NALF1: variants seen among roughly 807,000 people sequenced by gnomAD.
NALF1 encodes the protein family with sequence similarity 155 member A.
Under a neutral mutation model 48.4 loss-of-function variants are expected in NALF1, and 3 were observed. That is an observed-to-expected ratio of 0.06 (90% CI 0.03 to 0.16). The LOEUF (loss-of-function observed/expected upper bound fraction) is 0.16, where lower values mean the gene tolerates loss of function less well. Among genes scored for constraint, NALF1 ranks in the 10% least tolerant of loss-of-function variants. The pLI, the probability that NALF1 is intolerant of heterozygous loss-of-function variation, is 1.00. For synonymous variants in NALF1, 262 were observed against 245.7 expected (o/e 1.07, Z -0.62); for missense variants, 526 against 571.5 (o/e 0.92, Z 0.81).
In NALF1 at chr13:107,351,296, G is replaced by A. The variant is rs552435852; in HGVS notation, c.916-140541C>T. ...GTGAAGGAGATTGTAGTGATGGTGT[G>A]AGAGTTGCAGATACCAAGATGAAAT... On this transcript the variant is annotated intron_variant, in intron 1 of 2. Coordinates refer to ENST00000375915, the MANE Select transcript of NALF1 (RefSeq NM_001080396.3). Among the ~76,000 whole-genome samples, 15 of 152,232 alleles carry A rather than the reference G, an allele frequency of 9.9e-5. No homozygotes were observed. In the South Asian group the frequency reaches 1.9e-3, roughly 19 times the overall value.
At chr13:107,253,279 C>A (rs372999883) in intron 1 of NALF1, among the ~76,000 whole-genome samples, 1 of 151,922 alleles carries the variant, frequency 6.6e-6, no homozygotes, top group East Asian at 1.9e-4. Flanking sequence ...GTTTTTGGAG[C>A]CCCAAAGTAT....
intron 1 of NALF1, among the ~76,000 whole-genome samples, chr13:107,290,085 G>A (rs1022712132): frequency 6.6e-6 from 1 of 151,432 alleles, no homozygotes; most frequent in African/African-American, 2.4e-5. Context: ...AGACTTTATC[G>A]GTTGATTCCC....
chr13:107,507,594 TAAAAAAAAAAAA>T (rs548709767), intron 1 of NALF1, among the ~76,000 whole-genome samples: 1,670 of 86,412 alleles, frequency 0.019, 30 homozygotes, highest in Middle Eastern at 0.065. Context: ...TATTCTCCAT[TAAAAAAAAAAAA>T]AAAAAAAAAA....
At chr13:107,622,771 C>T (rs1463602009) in intron 1 of NALF1, among the ~76,000 whole-genome samples, 3 of 152,084 alleles carry the variant, frequency 2.0e-5, no homozygotes, top group South Asian at 2.1e-4. Context: ...TTATTTATTT[C>T]GCTTTCTGTA....
intron 1 of NALF1, among the ~76,000 whole-genome samples, chr13:107,858,092 A>C (rs922713737): frequency 1.3e-5 from 2 of 152,216 alleles, no homozygotes; most frequent in African/African-American, 4.8e-5. Context: ...TCTTCACATT[A>C]TTCATTCATA....
intron 2 of NALF1, 100 bp downstream of exon 2, chr13:107,210,484 A>T: frequency 1.2e-6 from 1 of 838,240 alleles, no homozygotes; most frequent in Non-Finnish European, 2.0e-6. Context: ...CCGCATCTTC[A>T]AGGTTATATC....
intron 1 of NALF1, among the ~76,000 whole-genome samples, chr13:107,821,474 G>A (rs1879360875): frequency 6.6e-6 from 1 of 152,156 alleles, no homozygotes; most frequent in Non-Finnish European, 1.5e-5. Context: ...GATGCATGAG[G>A]AGGACATTTC....
chr13:107,190,198 C>A (rs1879252740), intron 2 of NALF1, among the ~76,000 whole-genome samples: 1 of 152,184 alleles, frequency 6.6e-6, no homozygotes, highest in Non-Finnish European at 1.5e-5. Flanking sequence ...AGAAATAATT[C>A]TGTGGCTGCA....
chr13:107,325,789 C>A (rs2138918209), intron 1 of NALF1, among the ~76,000 whole-genome samples: 1 of 142,742 alleles, frequency 7.0e-6, no homozygotes, highest in East Asian at 2.1e-4. Context: ...TGTAGTGAAG[C>A]AAGAGTGTGC....
intron 1 of NALF1, among the ~76,000 whole-genome samples, chr13:107,444,091 A>G (rs1884609758): frequency 6.6e-6 from 1 of 152,152 alleles, no homozygotes; most frequent in East Asian, 1.9e-4. Flanking sequence ...TATTTTACTG[A>G]CAGAATAACC....
chr13:107,694,870 G>A (rs1881664375), intron 1 of NALF1, among the ~76,000 whole-genome samples: 1 of 151,092 alleles, frequency 6.6e-6, no homozygotes. Flanking sequence ...TAGGTTCACT[G>A]TAACCTCTGC....
chr13:107,288,237 T>TTA (rs1881538023), intron 1 of NALF1, among the ~76,000 whole-genome samples: 1 of 135,398 alleles, frequency 7.4e-6, no homozygotes, highest in African/African-American at 2.6e-5. Context: ...TTTTTTTTTT[T>TTA]GAGACGGAGT....
chr13:107,378,709 A>G (rs1883382009), intron 1 of NALF1, among the ~76,000 whole-genome samples: 1 of 152,234 alleles, frequency 6.6e-6, no homozygotes, highest in African/African-American at 2.4e-5. Flanking sequence ...GATATTGAAT[A>G]TGAAATATTG....
At chr13:107,244,098 A>G (rs1880529969) in intron 1 of NALF1, among the ~76,000 whole-genome samples, 2 of 152,200 alleles carry the variant, frequency 1.3e-5, no homozygotes, top group Admixed American at 1.3e-4. Context: ...AAAATTAGCT[A>G]TATAATTTTC....
At chr13:107,729,681 G>A (rs371587736) in intron 1 of NALF1, among the ~76,000 whole-genome samples, 4 of 152,164 alleles carry the variant, frequency 2.6e-5, no homozygotes, top group African/African-American at 9.7e-5. Context: ...GTTTCACCAT[G>A]TTGGTCAGGC....
At chr13:107,177,638 T>A (rs1234948592) in intron 2 of NALF1, among the ~76,000 whole-genome samples, 1 of 152,140 alleles carries the variant, frequency 6.6e-6, no homozygotes, top group African/African-American at 2.4e-5. Context: ...ATACATATGT[T>A]GGGGGAAAGG....
intron 1 of NALF1, among the ~76,000 whole-genome samples, chr13:107,667,200 T>A (rs955819069): frequency 6.6e-6 from 1 of 152,076 alleles, no homozygotes; most frequent in African/African-American, 2.4e-5. Context: ...TTTAACCTTG[T>A]ATGTAATTAC....
chr13:107,420,423 A>G (rs1884166045), intron 1 of NALF1, among the ~76,000 whole-genome samples: 1 of 152,210 alleles, frequency 6.6e-6, no homozygotes, highest in South Asian at 2.1e-4. Context: ...AAAAACAAAT[A>G]CATCATGTTT....
At chr13:107,642,004 G>T (rs1035860957) in intron 1 of NALF1, among the ~76,000 whole-genome samples, 1 of 152,146 alleles carries the variant, frequency 6.6e-6, no homozygotes, top group Non-Finnish European at 1.5e-5. Flanking sequence ...AATGTGCAGT[G>T]AAGAATGACA....
Sources: allele counts gnomAD v4.1 joint callset (sites outside exome capture counted in the v4.1 genomes callset), GRCh38; gene constraint gnomAD v4.1.1; transcripts MANE v1.5; gene names NCBI Gene and HGNC (gene_info 2026-07-23, HGNC 2026-07-21).